ELF1: variants seen among roughly 807,000 people sequenced by gnomAD.
The protein encoded by ELF1 is ETS-related transcription factor Elf-1.
In ELF1, 24 loss-of-function variants were observed where a neutral mutation model predicts 59.9. The observed-to-expected ratio is 0.40, with a 90% CI of 0.29 to 0.56. ELF1 has a LOEUF of 0.56. Ranked by LOEUF, ELF1 falls within the 20% of genes least tolerant of loss-of-function variation. The pLI is 0.44. For missense variants in ELF1, 627 were observed against 742.2 expected (o/e 0.84, Z 1.80); for synonymous variants, 248 against 266.2 (o/e 0.93, Z 0.67).
At chr13:40,939,169 T>TA (rs35806657) in intron 8 of ELF1, among the ~76,000 whole-genome samples, 109 of 151,844 alleles carry the variant, frequency 7.2e-4, no homozygotes, top group Admixed American at 1.6e-3. Context: ...TACAAAAAAT[T>TA]AAAAAATTAG....
At chr13:41,031,457 C>G (rs757824820) in intron 1 of ELF1, among the ~76,000 whole-genome samples, 10 of 152,064 alleles carry the variant, frequency 6.6e-5, no homozygotes, top group African/African-American at 9.6e-5. Flanking sequence ...GATTTTATAG[C>G]CTCTCCAGGT....
rs192694951 is a variant in ELF1, at chr13:41,031,232, T to C, written c.-229+29606A>G. ...CCTTTACTATCTAGAACATTCTATTTTGTATTACTGTCAATTTTGTACAAG... is the reference window on the plus strand; with the variant it reads ...CCTTTACTATCTAGAACATTCTATTCTGTATTACTGTCAATTTTGTACAAG... On this transcript the variant is annotated intron_variant, in intron 1 of 1. Coordinates refer to the ELF1 transcript ENST00000405737. Among the ~76,000 whole-genome samples the C allele has an allele frequency of 4.0e-3, 606 of 152,234 alleles. 4 individuals carry two copies. The highest frequency in any genetic ancestry group is 0.011 in the South Asian group (54 of 4,816).
At chr13:41,028,634 T>C (rs1412000644) in intron 1 of ELF1, among the ~76,000 whole-genome samples, 3 of 152,252 alleles carry the variant, frequency 2.0e-5, no homozygotes, top group African/African-American at 7.2e-5. Context: ...TATATATACA[T>C]AGATATAACA....
At chr13:41,050,475 TACAAATATCTC>T (rs1408591851) in intron 1 of ELF1, among the ~76,000 whole-genome samples, 1 of 152,224 alleles carries the variant, frequency 6.6e-6, no homozygotes, top group Non-Finnish European at 1.5e-5. Context: ...GCTAAGAACA[TACAAATATCTC>T]TGAGACCTTG....
intron 3 of ELF1, among the ~76,000 whole-genome samples, chr13:40,952,351 A>C (rs1870908155): frequency 7.2e-6 from 1 of 139,598 alleles, no homozygotes; most frequent in African/African-American, 2.5e-5. Flanking sequence ...TAAAATCATT[A>C]AATCTTTTTG....
Position 40,933,790 on chromosome 13 carries a change from A to C in ELF1, c.1495T>G (p.Leu499Val). The change falls in exon 9 of 9, where the codon TTG becomes GTG. Residue 499 changes from leucine (L) to valine (V), a missense_variant. By Grantham distance (32) the Leu-to-Val change is conservative. Transcript: ENST00000239882. Reference protein sequence around the residue: ...QKAGSPPSIVLGPAQVQQVLT... With the variant: ...QKAGSPPSIVVGPAQVQQVLT... ...ACCTGCTGAACCTGGGCAGGGCCCAAGACAATTGAAGGAGGAGAGCCCGCC... is the reference window on the plus strand; with the variant it reads ...ACCTGCTGAACCTGGGCAGGGCCCACGACAATTGAAGGAGGAGAGCCCGCC... The C allele has an allele frequency of 6.2e-7, 1 of 1,614,270 alleles. No individual in the cohort carries two copies. The highest frequency in any genetic ancestry group is 8.5e-7 in the Non-Finnish European group (1 of 1,180,040).
At chr13:41,024,474 C>T (rs888264433) in intron 1 of ELF1, among the ~76,000 whole-genome samples, 1 of 152,152 alleles carries the variant, frequency 6.6e-6, no homozygotes, top group Admixed American at 6.5e-5. Context: ...CAGGCATGCA[C>T]CACAATGTGG....
rs1404419277 is a variant in ELF1, at chr13:41,019,287, T to C, written c.-288A>G. The C allele has an allele frequency of 2.4e-5, 24 of 985,278 alleles. No homozygotes were observed. The South Asian group carries it at 5.6e-4, about 23-fold the overall frequency. 61.0% of individuals were successfully genotyped at this position (985,278 alleles called of 1,614,324 possible). On this transcript the variant is annotated 5_prime_UTR_variant, in exon 1 of 9. Transcript: ENST00000239882. ...TGAAAATAAAAAGCAATCCGACAAG[T>C]TTTAGCTGTTAAAATGGCTCCTGTA...
intron 1 of ELF1, among the ~76,000 whole-genome samples, chr13:41,051,474 A>G (rs561176375): frequency 6.6e-6 from 1 of 152,242 alleles, no homozygotes; most frequent in Non-Finnish European, 1.5e-5. Flanking sequence ...ACGTTTGAAC[A>G]GCTGAGGTAA....
In ELF1 at chr13:40,934,173, T is replaced by C. The variant is rs1187585884; in HGVS notation, c.1257-145A>G. 6.3e-6 allele frequency: 7 copies of C among 1,105,054 alleles called. No homozygotes were observed. In the East Asian group the frequency reaches 1.5e-4, roughly 24 times the overall value. 68.5% of individuals were successfully genotyped at this position (1,105,054 alleles called of 1,614,324 possible). ...TATTTTCAACAGAGCATGACCAATA[T>C]CATGCCAGACTTTGTATTAAACACT... On this transcript the variant is annotated intron_variant, in intron 8 of 8. Transcript: ENST00000239882.
chr13:40,946,931 A>G (rs1001490511), intron 5 of ELF1, among the ~76,000 whole-genome samples: 4 of 152,034 alleles, frequency 2.6e-5, no homozygotes, highest in African/African-American at 9.7e-5. Context: ...TAACCCCCAC[A>G]TTGTTTGGGG....
upstream of ELF1, among the ~76,000 whole-genome samples, chr13:41,020,665 T>C (rs1312883891): frequency 2.0e-5 from 3 of 152,220 alleles, no homozygotes; most frequent in Admixed American, 6.5e-5. Flanking sequence ...ATATAGACCA[T>C]GTTTTCTCCT....
At chr13:40,985,833 T>C (rs765985431) in intron 1 of ELF1, among the ~76,000 whole-genome samples, 1 of 152,230 alleles carries the variant, frequency 6.6e-6, no homozygotes, top group African/African-American at 2.4e-5. Flanking sequence ...TCCTTAATTA[T>C]CTATTATAGT....
intron 1 of ELF1, among the ~76,000 whole-genome samples, chr13:41,029,013 G>A (rs1044906092): frequency 1.3e-5 from 2 of 152,186 alleles, no homozygotes; most frequent in African/African-American, 4.8e-5. Flanking sequence ...AAAGTGCTGG[G>A]ATTACAGGTG....
At chr13:40,953,933 AG>A (rs1335102454) in intron 3 of ELF1, among the ~76,000 whole-genome samples, 1 of 152,216 alleles carries the variant, frequency 6.6e-6, no homozygotes, top group African/African-American at 2.4e-5. Context: ...GACTAGAACT[AG>A]GAAGAAACAC....
upstream of ELF1, among the ~76,000 whole-genome samples, chr13:41,023,284 T>C (rs758607443): frequency 1.3e-5 from 2 of 152,188 alleles, no homozygotes; most frequent in Non-Finnish European, 2.9e-5. Flanking sequence ...AAACTTCTAG[T>C]ACAAAAATAC....
At chr13:40,971,877 T>C (rs1872565292) in intron 2 of ELF1, among the ~76,000 whole-genome samples, 1 of 152,042 alleles carries the variant, frequency 6.6e-6, no homozygotes, top group African/African-American at 2.4e-5. Context: ...CTTAATAGTA[T>C]TGGTGGGTTG....
Position 40,982,207 on chromosome 13 carries a change from G to T in ELF1, c.-153C>A. 1 of 1,296,550 alleles carries T rather than the reference G, an allele frequency of 7.7e-7. No homozygotes were observed. The allele number at this position is 1,296,550 out of a possible 1,614,324, so 80.3% of individuals were successfully genotyped here. On this transcript the variant is annotated 5_prime_UTR_variant, in exon 2 of 9. It adds an upstream start codon to the 5' untranslated region. Coordinates refer to ENST00000239882, the MANE Select transcript of ELF1 (RefSeq NM_172373.4). ...AGTTTTCTTTAGGGAAGGTGCTTCA[G>T]TTTTCCTGGTTCATTGATATTCTAG...
intron 3 of ELF1, among the ~76,000 whole-genome samples, chr13:40,955,259 C>A (rs1472593833): frequency 1.8e-5 from 2 of 113,184 alleles, no homozygotes; most frequent in Admixed American, 9.7e-5. Flanking sequence ...TGGCAGCCAC[C>A]CCGTCTGGGA....
Sources: allele counts gnomAD v4.1 joint callset (sites outside exome capture counted in the v4.1 genomes callset), GRCh38; gene constraint gnomAD v4.1.1; transcripts MANE v1.5; gene names NCBI Gene and HGNC (gene_info 2026-07-23, HGNC 2026-07-21).